The following ARID1B variants were observed in gnomAD, a reference collection of about 807,000 sequenced individuals.
ARID1B encodes AT-rich interactive domain-containing protein 1B.
A neutral mutation model predicts 212.3 loss-of-function variants in ARID1B; 30 were observed. That is an observed-to-expected ratio of 0.14 (90% CI 0.11 to 0.19). The LOEUF (loss-of-function observed/expected upper bound fraction) is 0.19, where lower values mean the gene tolerates loss of function less well. ARID1B is among the 10% of genes least tolerant of loss of function. The pLI is 1.00. For synonymous variants in ARID1B, 1,402 were observed against 1,301.7 expected, an observed-to-expected ratio of 1.08 and a Z score of -1.66; for missense variants, 2,891 against 3,204.0, an observed-to-expected ratio of 0.90 and a Z score of 2.36.
intron 4 of ARID1B, among the ~76,000 whole-genome samples, chr6:156,964,401 AT>A (rs1297137126): frequency 6.6e-6 from 1 of 152,244 alleles, no homozygotes; most frequent in Non-Finnish European, 1.5e-5. Context: ...GTGTTTTGGC[AT>A]TTAAAGCCTA....
intron 2 of ARID1B, among the ~76,000 whole-genome samples, chr6:156,832,563 A>G (rs1783214174): frequency 6.6e-6 from 1 of 152,358 alleles, no homozygotes; most frequent in African/African-American, 2.4e-5. Flanking sequence ...ATTAAAATGC[A>G]GGAATTCAAG....
chr6:157,084,017 C>A (rs777923262), intron 4 of ARID1B, among the ~76,000 whole-genome samples: 8 of 151,702 alleles, frequency 5.3e-5, no homozygotes, highest in Non-Finnish European at 1.0e-4. Flanking sequence ...GCCTGTAATC[C>A]CAGCTACTAG....
intron 8 of ARID1B, among the ~76,000 whole-genome samples, chr6:157,164,455 T>G (rs1350211573): frequency 1.3e-5 from 2 of 152,192 alleles, no homozygotes. Flanking sequence ...CTGATTCTCT[T>G]TTTTACCTTA....
chr6:157,065,894 T>C (rs1783648710), intron 4 of ARID1B, among the ~76,000 whole-genome samples: 1 of 152,206 alleles, frequency 6.6e-6, no homozygotes, highest in African/African-American at 2.4e-5. Flanking sequence ...CAAATTTAAA[T>C]GTACAACTTG....
chr6:156,963,303 T>G (rs948495696), intron 4 of ARID1B, among the ~76,000 whole-genome samples: 9 of 152,222 alleles, frequency 5.9e-5, no homozygotes, highest in African/African-American at 2.2e-4. Context: ...CTGGTTATCC[T>G]AATCACATAG....
intron 2 of ARID1B, among the ~76,000 whole-genome samples, chr6:156,893,041 C>A (rs1014749711): frequency 1.1e-5 from 1 of 90,570 alleles, no homozygotes; most frequent in Non-Finnish European, 2.4e-5. Flanking sequence ...TTTCTTTTTT[C>A]TTCCTTTTTT....
At chr6:156,970,234 C>A (rs976582060) in intron 4 of ARID1B, among the ~76,000 whole-genome samples, 16 of 151,990 alleles carry the variant, frequency 1.1e-4, no homozygotes, top group South Asian at 4.1e-4. Context: ...GCGCCCACCA[C>A]CATACCCGGC....
In ARID1B at chr6:157,206,085, A is replaced by C. The variant is rs1180366916; in HGVS notation, c.5395-82A>C. The C allele has an allele frequency of 6.9e-7, 1 of 1,444,946 alleles. No individual in the cohort carries two copies. Among genetic ancestry groups the C allele is most frequent in the Non-Finnish European group, 9.4e-7 (1 of 1,059,046 alleles). The allele number at this position is 1,444,946 out of a possible 1,614,324, so 89.5% of individuals were successfully genotyped here. A position where few individuals can be genotyped will look rare whatever the true frequency, so the allele number is the denominator to read the frequency against. On this transcript the variant is annotated intron_variant, in intron 19 of 19. Transcript: ENST00000636930. The surrounding 1 kb of genome is among the most constrained non-coding windows in gnomAD (Gnocchi z 6.8). The stretch of plus-strand genomic sequence containing the variant: ...TGATGGAAAGGTATTGACGGGTCTC[A>C]GGATCTTTACCCTCCTCGGTCATAT...
At chr6:157,181,233 C>A (rs2128318247) in intron 12 of ARID1B, 55 bp downstream of exon 12, 1 of 1,581,192 alleles carries the variant, frequency 6.3e-7, no homozygotes, top group Non-Finnish European at 8.7e-7. Context: ...TAAGTTCTTA[C>A]AGTGGCTTTC....
At chr6:157,013,327 C>T (rs967093827) in intron 4 of ARID1B, among the ~76,000 whole-genome samples, 1 of 152,244 alleles carries the variant, frequency 6.6e-6, no homozygotes, top group Non-Finnish European at 1.5e-5. Context: ...GTGGCCTCCT[C>T]TGTTGCATGA....
intron 5 of ARID1B, among the ~76,000 whole-genome samples, chr6:157,110,202 A>G (rs1786804895): frequency 6.6e-6 from 1 of 152,166 alleles, no homozygotes; most frequent in Admixed American, 6.5e-5. Context: ...GTGTCAAGAA[A>G]TTTCAGCTAC....
rs1791694718 is a variant in ARID1B, at chr6:156,931,268, C to CTT, written c.2137-4196_2137-4195dup. Among the ~76,000 whole-genome samples the CTT allele has an allele frequency of 2.7e-5, 4 of 148,930 alleles. No individual in the cohort carries two copies. The South Asian group carries it at 8.5e-4, about 32-fold the overall frequency. On this transcript the variant is annotated intron_variant, in intron 3 of 19. Transcript: ENST00000636930. ...CCCTTTTTAATTTTTTAAAAAGTGTCTTTGACGTTTTGGTTATTCTGCATT... is the reference window on the plus strand; with the variant it reads ...CCCTTTTTAATTTTTTAAAAAGTGTCTTTTTGACGTTTTGGTTATTCTGCATT...
intron 19 of ARID1B, chr6:157,205,883 A>G: frequency 2.6e-6 from 1 of 391,082 alleles, no homozygotes; most frequent in South Asian, 2.8e-5. Flanking sequence ...TGATAAGATT[A>G]GAGATATGAG....
At chr6:156,799,679 T>C (rs1780643773) in intron 1 of ARID1B, among the ~76,000 whole-genome samples, 1 of 152,214 alleles carries the variant, frequency 6.6e-6, no homozygotes, top group African/African-American at 2.4e-5. Flanking sequence ...GGTTTCACCA[T>C]GTTGGCAAGG....
intron 8 of ARID1B, among the ~76,000 whole-genome samples, chr6:157,162,859 C>G (rs142271819): frequency 0.036 from 5,510 of 152,164 alleles, 308 homozygotes; most frequent in African/African-American, 0.12. Context: ...TGTCTCCTTA[C>G]CCCCCTGAGA....
In ARID1B at chr6:156,778,847, GGGCGGCGGCGGCGGCGGC is replaced by G. The variant is rs587779747; in HGVS notation, c.1176_1193del (p.Gly397_Gly402del). ...ATCCGGGCTACAGCCGGCCCGGCGC[GGGCGGCGGCGGCGGCGGC>G]GGCGGCGGAGGAGGAGGAGGCAGCG... is the stretch of plus-strand genomic sequence containing the variant. On this transcript the variant is annotated inframe_deletion, in exon 1 of 20. Coordinates refer to ENST00000636930, the MANE Select transcript of ARID1B (RefSeq NM_001374828.1). 2.1e-6 allele frequency: 3 copies of G among 1,403,412 alleles called. No individual in the cohort carries two copies. The highest frequency in any genetic ancestry group is 1.5e-5 in the African/African-American group (1 of 64,896). 86.9% of individuals were successfully genotyped at this position (1,403,412 alleles called of 1,614,324 possible).
At chr6:156,908,464 T>C (rs1789588379) in intron 3 of ARID1B, among the ~76,000 whole-genome samples, 1 of 152,182 alleles carries the variant, frequency 6.6e-6, no homozygotes, top group Non-Finnish European at 1.5e-5. Flanking sequence ...ACTTGGTCTT[T>C]ATTGTCTGTA....
chr6:156,787,362 A>G (rs1196722792), intron 1 of ARID1B, among the ~76,000 whole-genome samples: 1 of 152,212 alleles, frequency 6.6e-6, no homozygotes, highest in Non-Finnish European at 1.5e-5. Flanking sequence ...AAAGCGAGGC[A>G]TTGATGATTA....
At chr6:157,012,828 T>C (rs1328167711) in intron 4 of ARID1B, among the ~76,000 whole-genome samples, 4 of 152,190 alleles carry the variant, frequency 2.6e-5, no homozygotes, top group Non-Finnish European at 5.9e-5. Context: ...ATAGGAATGG[T>C]ATGGGACCTT....
Sources: allele counts gnomAD v4.1 joint callset (sites outside exome capture counted in the v4.1 genomes callset), GRCh38; gene constraint gnomAD v4.1.1; non-coding constraint Gnocchi (gnomAD v3.1); transcripts MANE v1.5; gene names NCBI Gene and HGNC (gene_info 2026-07-23, HGNC 2026-07-21).